Variants in MAP2 observed in about 807,000 individuals in gnomAD.
The protein encoded by MAP2 is microtubule associated protein 2.
Under a neutral mutation model 137.6 loss-of-function variants are expected in MAP2, and 14 were observed. That is an observed-to-expected ratio of 0.10 (90% CI 0.07 to 0.16). The LOEUF (loss-of-function observed/expected upper bound fraction) is 0.16, where lower values mean the gene tolerates loss of function less well. MAP2 is among the 10% of genes least tolerant of loss of function. MAP2 has a pLI of 1.00. For synonymous variants in MAP2, 786 were observed against 782.3 expected (o/e 1.00, Z -0.08); for missense variants, 2,088 against 2,191.5 (o/e 0.95, Z 0.94).
chr2:209,701,013 TG>T (rs1281722372), intron 11 of MAP2, among the ~76,000 whole-genome samples: 1 of 152,148 alleles, frequency 6.6e-6, no homozygotes, highest in Non-Finnish European at 1.5e-5. Flanking sequence ...TAGAATTTTT[TG>T]TTGGTATTTT....
At chr2:209,626,855 A>G (rs919021869) in intron 4 of MAP2, among the ~76,000 whole-genome samples, 2 of 152,200 alleles carry the variant, frequency 1.3e-5, no homozygotes, top group Admixed American at 1.3e-4. Flanking sequence ...ATTTCTAAAT[A>G]ACTTTCAGCA....
chr2:209,680,151 A>G (rs1461878613), intron 6 of MAP2, among the ~76,000 whole-genome samples: 2 of 152,098 alleles, frequency 1.3e-5, no homozygotes, highest in East Asian at 3.9e-4. Flanking sequence ...TACTCAGCAT[A>G]TGGTTTTTGT....
At chr2:209,589,498 A>G (rs953690441) in intron 3 of MAP2, among the ~76,000 whole-genome samples, 2 of 152,194 alleles carry the variant, frequency 1.3e-5, no homozygotes, top group East Asian at 1.9e-4. Flanking sequence ...TAAGGAATCT[A>G]AGGCAGTGGC....
chr2:209,496,171 G>A (rs1446284498), intron 1 of MAP2, among the ~76,000 whole-genome samples: 2 of 152,080 alleles, frequency 1.3e-5, no homozygotes, highest in Non-Finnish European at 2.9e-5. Flanking sequence ...CTCTTTTTCT[G>A]GGGAGTGAGT....
intron 5 of MAP2, among the ~76,000 whole-genome samples, chr2:209,660,961 G>T (rs1387700821): frequency 4.8e-5 from 7 of 147,012 alleles, no homozygotes; most frequent in Non-Finnish European, 9.0e-5. Context: ...ATCCAGGATG[G>T]TCTTCATATC....
intron 1 of MAP2, among the ~76,000 whole-genome samples, chr2:209,483,391 C>G (rs763655846): frequency 3.3e-5 from 5 of 152,134 alleles, no homozygotes; most frequent in Admixed American, 6.5e-5. Flanking sequence ...CTGGGCAACA[C>G]AGTAAGACCT....
chr2:209,464,394 A>G (rs1266953869), intron 1 of MAP2, among the ~76,000 whole-genome samples: 3 of 152,184 alleles, frequency 2.0e-5, no homozygotes, highest in African/African-American at 4.8e-5. Context: ...AGTAATGTCA[A>G]TGAAGTAATT....
At position 209,519,702 on chromosome 2, in the gene MAP2, A is replaced by G. The variant is rs137917564; in HGVS notation, c.-172+12061A>G. On this transcript the variant is annotated intron_variant, in intron 2 of 15. Transcript: ENST00000682079. The stretch of plus-strand genomic sequence containing the variant: ...CAGCAGAGAGATTTGAATAAGAGGT[A>G]TATTTGTCCTTACAGTGTAAAATGA... Among the ~76,000 whole-genome samples, 150 of 152,178 alleles carry G rather than the reference A, an allele frequency of 9.9e-4. 1 individual carries two copies. Among genetic ancestry groups the G allele is most frequent in the Non-Finnish European group, 1.7e-3 (117 of 67,946 alleles).
In MAP2 at chr2:209,694,233, G is replaced by T; in HGVS notation, c.2063G>T (p.Gly688Val). ...KDDLTLSRSL[G>V]LGGRSAIEQR... ...GATTTGACCCTTAGCAGGAGTTTAG[G>T]ACTTGGTGGTAGGTCTGCAATAGAA... is the stretch of plus-strand genomic sequence containing the variant. Residue 688 changes from glycine (G) to valine (V), a missense_variant, in exon 8 of 16, where the codon GGA (glycine) becomes GTA (valine). This residue lies in a region of MAP2 where 18 missense variants were observed against 41.6 expected (regional missense o/e 0.43). Coordinates refer to ENST00000682079, the MANE Select transcript of MAP2 (RefSeq NM_001375505.1). The T allele has an allele frequency of 3.1e-6, 5 of 1,614,058 alleles. No homozygotes were observed. The highest frequency in any genetic ancestry group is 4.2e-6 in the Non-Finnish European group (5 of 1,179,996).
At chr2:209,433,171 A>C (rs1386331354) in intron 1 of MAP2, among the ~76,000 whole-genome samples, 1 of 152,172 alleles carries the variant, frequency 6.6e-6, no homozygotes, top group Non-Finnish European at 1.5e-5. Flanking sequence ...TAGCAGCAGG[A>C]GACAGACATT....
intron 1 of MAP2, among the ~76,000 whole-genome samples, chr2:209,453,859 A>T (rs1393677057): frequency 6.6e-6 from 1 of 152,150 alleles, no homozygotes; most frequent in East Asian, 1.9e-4. Context: ...GACTAAAAAA[A>T]ATAGAGGACA....
At chr2:209,515,719 A>G (rs1287501074) in intron 2 of MAP2, among the ~76,000 whole-genome samples, 1 of 152,094 alleles carries the variant, frequency 6.6e-6, no homozygotes, top group Admixed American at 6.6e-5. Flanking sequence ...TTGGAACTTT[A>G]AGTACTATTG....
intron 2 of MAP2, among the ~76,000 whole-genome samples, chr2:209,545,038 G>GA (rs1040936449): frequency 6.6e-5 from 10 of 150,950 alleles, no homozygotes; most frequent in Admixed American, 1.3e-4. Context: ...TGCCTGTTAG[G>GA]AAAAAAAAAT....
At chr2:209,639,151 T>C (rs2093808867) in intron 4 of MAP2, among the ~76,000 whole-genome samples, 1 of 152,108 alleles carries the variant, frequency 6.6e-6, no homozygotes, top group African/African-American at 2.4e-5. Flanking sequence ...ATTACAGGCA[T>C]GAACCACCAT....
chr2:209,661,273 A>G (rs2043479733), intron 5 of MAP2, among the ~76,000 whole-genome samples: 1 of 152,132 alleles, frequency 6.6e-6, no homozygotes, highest in Admixed American at 6.5e-5. Flanking sequence ...GGCCTATTCT[A>G]TGTAATATAT....
chr2:209,634,365 C>T (rs1164127717), intron 4 of MAP2, among the ~76,000 whole-genome samples: 5 of 152,182 alleles, frequency 3.3e-5, no homozygotes, highest in Non-Finnish European at 7.4e-5. Flanking sequence ...TTCTTGCTCA[C>T]CTAACAGTCC....
At chr2:209,630,039 A>G (rs1324663362) in intron 4 of MAP2, among the ~76,000 whole-genome samples, 1 of 152,236 alleles carries the variant, frequency 6.6e-6, no homozygotes, top group African/African-American at 2.4e-5. Flanking sequence ...AAAAGAAAAC[A>G]AAAACGGTGC....
intron 5 of MAP2, among the ~76,000 whole-genome samples, chr2:209,663,141 C>A (rs910154932): frequency 2.0e-5 from 3 of 152,076 alleles, no homozygotes; most frequent in African/African-American, 4.8e-5. Context: ...CTTTTTTCCC[C>A]TCTAAGCTAT....
chr2:209,654,104 C>CA (rs2094978927), intron 5 of MAP2, among the ~76,000 whole-genome samples: 1 of 152,114 alleles, frequency 6.6e-6, no homozygotes, highest in African/African-American at 2.4e-5. Context: ...AAATTGTGCA[C>CA]AAAATCATCT....
Sources: gnomAD v4.1 joint callset for allele counts (sites outside exome capture counted in the v4.1 genomes callset) on GRCh38, gnomAD v4.1.1 for gene constraint, gnomAD v4.1.1 regional missense constraint, MANE v1.5 for transcripts, NCBI Gene and HGNC (gene_info 2026-07-23, HGNC 2026-07-21) for gene names.